The following ZNF704 variants were observed in gnomAD, a reference collection of about 807,000 sequenced individuals.
ZNF704 encodes the protein zinc finger protein 704, also known as glucocorticoid induced gene 1.
In ZNF704, 10 loss-of-function variants were observed where a neutral mutation model predicts 44.7. The ratio of observed to expected loss-of-function variants is 0.22; its 90% CI spans 0.14 to 0.38. The LOEUF (loss-of-function observed/expected upper bound fraction) is 0.38, where lower values mean the gene tolerates loss of function less well. ZNF704 is among the 10% of genes least tolerant of loss of function. The pLI, the probability that ZNF704 is intolerant of heterozygous loss-of-function variation, is 1.00. For missense variants in ZNF704, 390 were observed against 545.5 expected (o/e 0.71, Z 2.84); for synonymous variants, 211 against 207.6 (o/e 1.02, Z -0.14).
At chr8:80,880,748 G>GTGATAT in the ZNF704 span, among the ~76,000 whole-genome samples, 1 of 152,172 alleles carries the variant, frequency 6.6e-6, no homozygotes, top group Non-Finnish European at 1.5e-5. Flanking sequence ...TAGCCAAAAG[G>GTGATAT]TGATATATGA....
intron 2 of ZNF704, among the ~76,000 whole-genome samples, chr8:80,728,310 C>G (rs1245345489): frequency 2.6e-5 from 4 of 152,154 alleles, no homozygotes; most frequent in African/African-American, 9.7e-5. Flanking sequence ...GATTACTATG[C>G]TATGTTTCTC....
rs970965880 is a variant in ZNF704, at chr8:80,696,562, C to T, written c.222-3455G>A. ...CCTCCCGAGTAGCTGGGATTACAGG[C>T]ATGTGTCACCACCCTCAGCTGATTT... On this transcript the variant is annotated intron_variant, in intron 2 of 8. Coordinates refer to ENST00000327835, the MANE Select transcript of ZNF704 (RefSeq NM_001033723.3). 4.6e-5 allele frequency among the ~76,000 whole-genome samples: 7 copies of T among 152,132 alleles called. No homozygotes were observed. In the East Asian group the frequency reaches 1.3e-3, roughly 29 times the overall value.
chr8:80,767,111 C>T (rs1395356969), intron 2 of ZNF704, among the ~76,000 whole-genome samples: 1 of 152,114 alleles, frequency 6.6e-6, no homozygotes, highest in East Asian at 1.9e-4. Context: ...ATTTGACCTT[C>T]TACACCCATT....
At chr8:80,862,810 A>T (rs1809090628) in intron 1 of ZNF704, among the ~76,000 whole-genome samples, 1 of 151,424 alleles carries the variant, frequency 6.6e-6, no homozygotes, top group Non-Finnish European at 1.5e-5. Context: ...AGCTAAAAGA[A>T]TTGTTGTCAC....
chr8:80,672,533 GAATA>G (rs760804884), intron 4 of ZNF704, among the ~76,000 whole-genome samples: 1 of 152,062 alleles, frequency 6.6e-6, no homozygotes, highest in Non-Finnish European at 1.5e-5. Context: ...TCAGTGTAAT[GAATA>G]AATAAAATGT....
Position 80,788,409 on chromosome 8 carries a change from C to T in ZNF704, c.221+32965G>A, listed in dbSNP as rs539663243. Among the ~76,000 whole-genome samples, 5 of 152,238 alleles carry T rather than the reference C, an allele frequency of 3.3e-5. No homozygotes were observed. In the South Asian group the frequency reaches 6.2e-4, roughly 19 times the overall value. On this transcript the variant is annotated intron_variant, in intron 2 of 8. Transcript: ENST00000327835. ...TCCCTTTCTTTCTAACAGAATGTTT[C>T]GTTTATTTGGGATGGCAATAGTTGC...
At chr8:80,787,989 A>G (rs974669925) in intron 2 of ZNF704, among the ~76,000 whole-genome samples, 1 of 152,144 alleles carries the variant, frequency 6.6e-6, no homozygotes, top group African/African-American at 2.4e-5. Context: ...CTACTTTCCC[A>G]TATTAGCAGG....
At chr8:80,806,737 A>G (rs563587885) in intron 2 of ZNF704, among the ~76,000 whole-genome samples, 1 of 152,324 alleles carries the variant, frequency 6.6e-6, no homozygotes, top group Non-Finnish European at 1.5e-5. Flanking sequence ...TGCCACAGAC[A>G]CAGCCTTGCA....
At chr8:80,677,437 T>C (rs1295772013) in intron 4 of ZNF704, among the ~76,000 whole-genome samples, 1 of 152,208 alleles carries the variant, frequency 6.6e-6, no homozygotes. Flanking sequence ...AGATGATACA[T>C]TTTGGAGGCA....
chr8:80,629,353 A>T lies in ZNF704; in HGVS notation c.*12013T>A, dbSNP rs1046053803. 6.6e-6 allele frequency: 1 copy of T among 152,232 alleles called. No homozygotes were observed. The highest frequency in any genetic ancestry group is 1.5e-5 in the Non-Finnish European group (1 of 68,034). The allele number at this position is 152,232 out of a possible 1,614,324, so 9.4% of individuals were successfully genotyped here. A position where few individuals can be genotyped will look rare whatever the true frequency, so the allele number is the denominator to read the frequency against. On this transcript the variant is annotated 3_prime_UTR_variant, in exon 9 of 9. Coordinates refer to ENST00000327835, the MANE Select transcript of ZNF704 (RefSeq NM_001033723.3). ...CAATGCCCCTTCCCCAATAACTTCT[A>T]ATTAGGTAGCAAACAATCCAGTATA...
At chr8:80,759,394 C>T (rs1427035105) in intron 2 of ZNF704, among the ~76,000 whole-genome samples, 1 of 151,756 alleles carries the variant, frequency 6.6e-6, no homozygotes, top group African/African-American at 2.4e-5. Flanking sequence ...CTTTAAGATG[C>T]CCCCCAATGA....
At chr8:80,748,648 A>C (rs1213772362) in intron 2 of ZNF704, among the ~76,000 whole-genome samples, 1 of 152,224 alleles carries the variant, frequency 6.6e-6, no homozygotes, top group Non-Finnish European at 1.5e-5. Context: ...AAATAGCAAG[A>C]GTGAAAGCAA....
intron 6 of ZNF704, among the ~76,000 whole-genome samples, chr8:80,662,055 C>T (rs865786270): frequency 2.6e-5 from 4 of 152,068 alleles, no homozygotes; most frequent in African/African-American, 2.4e-5. Flanking sequence ...TCTGTGTACC[C>T]CACAAATACG....
intron 1 of ZNF704, among the ~76,000 whole-genome samples, chr8:80,868,290 C>A (rs533441581): frequency 1.3e-5 from 2 of 152,264 alleles, no homozygotes; most frequent in African/African-American, 4.8e-5. Context: ...TTCTTTTGAT[C>A]AGAAATTGAA....
intron 2 of ZNF704, among the ~76,000 whole-genome samples, chr8:80,784,210 T>C (rs1807578759): frequency 6.6e-6 from 1 of 152,230 alleles, no homozygotes; most frequent in Admixed American, 6.5e-5. Context: ...CAAGTATTAA[T>C]AAAGCTGCTA....
At chr8:80,804,859 C>T (rs1807961149) in intron 2 of ZNF704, among the ~76,000 whole-genome samples, 1 of 151,920 alleles carries the variant, frequency 6.6e-6, no homozygotes, top group South Asian at 2.1e-4. Context: ...AAAAAAAAAG[C>T]CATTTTAACA....
At chr8:80,881,989 T>TA in the ZNF704 span, among the ~76,000 whole-genome samples, 29 of 151,956 alleles carry the variant, frequency 1.9e-4, no homozygotes, top group East Asian at 4.3e-3. Context: ...AAATAAAGAG[T>TA]AAAAACTCTT....
chr8:80,801,434 G>C (rs1807897686), intron 2 of ZNF704, among the ~76,000 whole-genome samples: 1 of 152,024 alleles, frequency 6.6e-6, no homozygotes. Context: ...ACACTCTACA[G>C]CAAATGGAAA....
At chr8:80,641,691 ACT>A (rs1359453317) in intron 8 of ZNF704, among the ~76,000 whole-genome samples, 1 of 152,074 alleles carries the variant, frequency 6.6e-6, no homozygotes, top group Non-Finnish European at 1.5e-5. Context: ...ACATGGTGAA[ACT>A]CTGTCTCTAC....
Sources: allele counts gnomAD v4.1 joint callset (sites outside exome capture counted in the v4.1 genomes callset), GRCh38; gene constraint gnomAD v4.1.1; transcripts MANE v1.5; gene names NCBI Gene and HGNC (gene_info 2026-07-23, HGNC 2026-07-21).